Variants in CEP350 observed in about 807,000 individuals in gnomAD.
CEP350 encodes the protein centrosome-associated protein 350.
A neutral mutation model predicts 331.8 loss-of-function variants in CEP350; 126 were observed. That is an observed-to-expected ratio of 0.38 (90% CI 0.33 to 0.44). CEP350 has a LOEUF of 0.44. Ranked by LOEUF, CEP350 falls within the 20% of genes least tolerant of loss-of-function variation. CEP350 has a pLI of 1.00. For synonymous variants in CEP350, 1,200 were observed against 1,259.5 expected, an observed-to-expected ratio of 0.95 and a Z score of 1.00; for missense variants, 3,406 against 3,634.6, an observed-to-expected ratio of 0.94 and a Z score of 1.62.
At chr1:179,973,266 T>C (rs1651593567) in intron 1 of CEP350, among the ~76,000 whole-genome samples, 1 of 152,260 alleles carries the variant, frequency 6.6e-6, no homozygotes, top group Non-Finnish European at 1.5e-5. Flanking sequence ...AAATAATCTA[T>C]GTACATCATT....
At chr1:179,991,314 C>CTTTTTTTTTTTTTT (rs748309168) in intron 4 of CEP350, among the ~76,000 whole-genome samples, 1 of 109,396 alleles carries the variant, frequency 9.1e-6, no homozygotes, top group Non-Finnish European at 1.9e-5. Context: ...TCTTTCTTTT[C>CTTTTTTTTTTTTTT]TTTTTTTTTT....
At chr1:180,001,666 T>A (rs12137562) in intron 6 of CEP350, among the ~76,000 whole-genome samples, 2,304 of 152,352 alleles carry the variant, frequency 0.015, 23 homozygotes, top group Middle Eastern at 0.051. Context: ...AAAGACCTGT[T>A]TTCCACACTT....
intron 32 of CEP350, among the ~76,000 whole-genome samples, chr1:180,089,411 C>T (rs1370613603): frequency 1.3e-5 from 2 of 151,938 alleles, no homozygotes; most frequent in Admixed American, 1.3e-4. Context: ...GGTGAAACCC[C>T]ATCTCTACTA....
At chr1:180,062,095 A>T in intron 25 of CEP350, 125 bp from the exon 26 acceptor site, 1 of 857,292 alleles carries the variant, frequency 1.2e-6, no homozygotes, top group Non-Finnish European at 1.5e-6. Flanking sequence ...TTTCAGTATT[A>T]CTACTTTTAT....
At chr1:179,973,041 G>C (rs1056366246) in intron 1 of CEP350, among the ~76,000 whole-genome samples, 3 of 151,788 alleles carry the variant, frequency 2.0e-5, no homozygotes, top group Non-Finnish European at 4.4e-5. Context: ...TTAATTTTTT[G>C]TATTTTTAGT....
intron 3 of CEP350, among the ~76,000 whole-genome samples, chr1:179,989,979 A>G (rs970816219): frequency 1.3e-5 from 2 of 152,046 alleles, no homozygotes; most frequent in African/African-American, 4.8e-5. Context: ...ACCTGGGGTC[A>G]GGAGATCGAG....
chr1:180,023,921 A>C (rs1352889384), intron 13 of CEP350, among the ~76,000 whole-genome samples: 1 of 152,168 alleles, frequency 6.6e-6, no homozygotes, highest in Non-Finnish European at 1.5e-5. Flanking sequence ...ATAAGTATAA[A>C]AATTATATGA....
At chr1:180,022,082 T>C (rs1655359343) in intron 12 of CEP350, among the ~76,000 whole-genome samples, 1 of 152,196 alleles carries the variant, frequency 6.6e-6, no homozygotes, top group African/African-American at 2.4e-5. Flanking sequence ...GGTATCACAT[T>C]GCTTTTTCCT....
At chr1:180,072,526 G>A (rs1658958481) in intron 27 of CEP350, among the ~76,000 whole-genome samples, 1 of 152,020 alleles carries the variant, frequency 6.6e-6, no homozygotes, top group Non-Finnish European at 1.5e-5. Context: ...TAAGTTTATT[G>A]TACGTTCATA....
intron 27 of CEP350, among the ~76,000 whole-genome samples, chr1:180,066,417 C>T (rs928871645): frequency 6.6e-6 from 1 of 152,142 alleles, no homozygotes; most frequent in Non-Finnish European, 1.5e-5. Flanking sequence ...TGGCAGTATA[C>T]CACACATCAC....
chr1:180,019,685 A>G (rs576619682), intron 11 of CEP350, among the ~76,000 whole-genome samples: 15 of 152,326 alleles, frequency 9.8e-5, no homozygotes, highest in South Asian at 4.1e-4. Context: ...AACAGTATAT[A>G]TGGTAAAATC....
intron 1 of CEP350, among the ~76,000 whole-genome samples, chr1:179,975,307 C>T (rs1651779649): frequency 6.6e-6 from 1 of 152,208 alleles, no homozygotes; most frequent in East Asian, 1.9e-4. Flanking sequence ...CTCCAAGTGT[C>T]CATCATGCTA....
intron 5 of CEP350, among the ~76,000 whole-genome samples, chr1:179,992,739 T>TA (rs2148697882): frequency 6.6e-6 from 1 of 152,320 alleles, no homozygotes; most frequent in African/African-American, 2.4e-5. Flanking sequence ...TGAATTTTGA[T>TA]AGCATAGATG....
In CEP350 at chr1:180,055,702, C is replaced by T. The variant is rs1279398197; in HGVS notation, c.5262+1200C>T. ...GCTGGGACTACAGCCCCCACCACCG[C>T]GCCTGGCTAATTTTTTTGTATTTTT... is the stretch of plus-strand genomic sequence containing the variant. On this transcript the variant is annotated intron_variant, in intron 25 of 37. Coordinates refer to ENST00000367607, the MANE Select transcript of CEP350 (RefSeq NM_014810.5). Among the ~76,000 whole-genome samples, 2 of 151,672 alleles carry T rather than the reference C, an allele frequency of 1.3e-5. 1 individual carries two copies. The highest frequency in any genetic ancestry group is 2.9e-5 in the Non-Finnish European group (2 of 67,920).
In CEP350 at chr1:180,095,667, A is replaced by T; in HGVS notation, c.8656A>T (p.Ile2886Phe). Residue 2886 changes from isoleucine (I) to phenylalanine (F), a missense_variant, in exon 35 of 38, where the codon ATC (isoleucine) becomes TTC (phenylalanine). Around this residue, in one of 5 missense-constraint regions of CEP350, gnomAD observed 1,415 missense variants for 1,512.3 expected, o/e 0.94. Coordinates refer to ENST00000367607, the MANE Select transcript of CEP350 (RefSeq NM_014810.5). ...EDFGLSSSHKIQKNKAEETIV... is the reference protein window; with the variant it reads ...EDFGLSSSHKFQKNKAEETIV... ...CTTTGGTTTGAGCTCTTCTCACAAG[A>T]TCCAAAAAAATAAGGCAGAAGAAAC... 1 of 1,613,974 alleles carries T rather than the reference A, an allele frequency of 6.2e-7. No individual in the cohort carries two copies. The highest frequency in any genetic ancestry group is 8.5e-7 in the Non-Finnish European group (1 of 1,179,878).
rs754599153 is a variant in CEP350 at position 180,022,804 on chromosome 1, A to G, written c.3342A>G (p.Pro1114=). 12 of 1,601,588 alleles carry G rather than the reference A, an allele frequency of 7.5e-6. 1 individual carries two copies. The African/African-American group carries it at 1.2e-4, about 16-fold the overall frequency. Reference sequence around the variant, plus strand: ...ATGAAGATGATTTTGTCTCCTCTCCAGGGACTGGGACTTCGACAGAAAAAA... The same window carrying G: ...ATGAAGATGATTTTGTCTCCTCTCCGGGGACTGGGACTTCGACAGAAAAAA... The part of the protein sequence containing the change: ...VSYEDDFVSS[P]GTGTSTEKKS... Residue 1114 remains proline, a synonymous_variant, in exon 13 of 38, where the codon CCA becomes CCG. Transcript: ENST00000367607.
intron 9 of CEP350, among the ~76,000 whole-genome samples, chr1:180,013,241 T>C (rs1257978936): frequency 6.6e-6 from 1 of 152,198 alleles, no homozygotes; most frequent in Admixed American, 6.5e-5. Flanking sequence ...ACAGGAAATA[T>C]AAAGTTTCAG....
chr1:179,996,116 A>G (rs896176147), intron 5 of CEP350, among the ~76,000 whole-genome samples: 1 of 152,186 alleles, frequency 6.6e-6, no homozygotes, highest in African/African-American at 2.4e-5. Context: ...TATAATATGC[A>G]GATTGTTATT....
chr1:180,080,272 C>T (rs533906933), intron 29 of CEP350, among the ~76,000 whole-genome samples: 1 of 152,038 alleles, frequency 6.6e-6, no homozygotes, highest in African/African-American at 2.4e-5. Flanking sequence ...AAACCATGCT[C>T]TTTTATAATT....
Sources: allele counts gnomAD v4.1 joint callset (sites outside exome capture counted in the v4.1 genomes callset), GRCh38; gene constraint gnomAD v4.1.1; regional missense constraint gnomAD v4.1.1; transcripts MANE v1.5; gene names NCBI Gene and HGNC (gene_info 2026-07-23, HGNC 2026-07-21).